The following SGCZ variants were observed in gnomAD, a reference collection of about 807,000 sequenced individuals.
SGCZ encodes the protein zeta-sarcoglycan.
A neutral mutation model predicts 41.3 loss-of-function variants in SGCZ; 40 were observed. The ratio of observed to expected loss-of-function variants is 0.97; its 90% CI spans 0.75 to 1.26. The LOEUF is 1.26. Ranked by LOEUF, SGCZ falls within the 50% of genes most tolerant of loss-of-function variation. The pLI, the probability that SGCZ is intolerant of heterozygous loss-of-function variation, is 0.00. For missense variants in SGCZ, 552 were observed against 369.8 expected, an observed-to-expected ratio of 1.49 and a Z score of -4.04; for synonymous variants, 206 against 137.5, an observed-to-expected ratio of 1.50 and a Z score of -3.49.
intron 1 of SGCZ, among the ~76,000 whole-genome samples, chr8:14,792,182 A>G (rs577085226): frequency 1.2e-4 from 18 of 152,330 alleles, no homozygotes; most frequent in Middle Eastern, 6.8e-3. Flanking sequence ...TTAGTGCTAC[A>G]TTACCCATGA....
At chr8:14,682,335 G>T (rs1352202173) in intron 1 of SGCZ, among the ~76,000 whole-genome samples, 1 of 152,120 alleles carries the variant, frequency 6.6e-6, no homozygotes, top group African/African-American at 2.4e-5. Flanking sequence ...CCACCAGATG[G>T]TGATAATAGG....
chr8:14,672,400 G>A (rs558759542), intron 1 of SGCZ, among the ~76,000 whole-genome samples: 2 of 152,084 alleles, frequency 1.3e-5, no homozygotes, highest in East Asian at 3.9e-4. Flanking sequence ...AACATGATTG[G>A]GCTTTTAAAC....
At chr8:14,786,140 A>G (rs1254525994) in intron 1 of SGCZ, among the ~76,000 whole-genome samples, 2 of 148,788 alleles carry the variant, frequency 1.3e-5, no homozygotes, top group Non-Finnish European at 3.0e-5. Context: ...ATTCCATAGT[A>G]TCTAAGCCTG....
At chr8:14,716,448 G>T (rs897000476) in intron 1 of SGCZ, among the ~76,000 whole-genome samples, 3 of 151,972 alleles carry the variant, frequency 2.0e-5, no homozygotes, top group Non-Finnish European at 2.9e-5. Context: ...TCCCAAAACT[G>T]AATGCACACT....
intron 1 of SGCZ, among the ~76,000 whole-genome samples, chr8:14,669,755 A>G (rs1460982564): frequency 1.3e-5 from 2 of 152,022 alleles, no homozygotes; most frequent in Non-Finnish European, 2.9e-5. Context: ...TTCATTCAAC[A>G]GACTTTTAGT....
intron 1 of SGCZ, among the ~76,000 whole-genome samples, chr8:14,706,804 A>G (rs1331056907): frequency 1.3e-5 from 2 of 152,110 alleles, no homozygotes; most frequent in African/African-American, 4.8e-5. Flanking sequence ...TTATACTTTT[A>G]CCAGCACATG....
At chr8:14,297,072 C>A (rs1443744566) in intron 3 of SGCZ, among the ~76,000 whole-genome samples, 1 of 151,974 alleles carries the variant, frequency 6.6e-6, no homozygotes, top group Non-Finnish European at 1.5e-5. Context: ...CAGACGCACA[C>A]CAGCATGCCC....
chr8:14,265,603 A>T (rs1799840197), intron 3 of SGCZ, among the ~76,000 whole-genome samples: 1 of 152,080 alleles, frequency 6.6e-6, no homozygotes, highest in South Asian at 2.1e-4. Context: ...ATTTGCTTTG[A>T]TCTCAAAGAA....
intron 4 of SGCZ, among the ~76,000 whole-genome samples, chr8:14,194,379 T>C (rs976699996): frequency 3.9e-4 from 60 of 151,944 alleles, no homozygotes; most frequent in African/African-American, 1.3e-3. Flanking sequence ...CTTCAGTTAA[T>C]ACTGTGATAT....
In SGCZ at chr8:14,842,488, G is replaced by A. The variant is rs140079757; in HGVS notation, c.40-287562C>T. 2.6e-3 allele frequency among the ~76,000 whole-genome samples: 366 copies of A among 138,372 alleles called. 1 individual carries two copies. The highest frequency in any genetic ancestry group is 9.7e-3 in the African/African-American group (345 of 35,616). 90.8% of individuals were successfully genotyped at this position (138,372 alleles called of 152,430 possible). On this transcript the variant is annotated intron_variant, in intron 1 of 7. Coordinates refer to ENST00000382080, the MANE Select transcript of SGCZ (RefSeq NM_139167.4). ...GAAAGAAGGAAGAAAGGAAGGAAAG[G>A]AAGGAAGAAAGGAAGGAAAGGAAGG...
chr8:14,156,909 C>A (rs1403812317), intron 5 of SGCZ, among the ~76,000 whole-genome samples: 1 of 152,076 alleles, frequency 6.6e-6, no homozygotes, highest in African/African-American at 2.4e-5. Context: ...GAAGGACCTG[C>A]CTGAGGATGT....
intron 2 of SGCZ, among the ~76,000 whole-genome samples, chr8:14,343,143 A>T (rs1005993607): frequency 2.6e-5 from 4 of 152,372 alleles, no homozygotes; most frequent in East Asian, 1.9e-4. Context: ...AAATTTCAGA[A>T]GATGTATGGA....
chr8:14,408,371 C>T (rs182098859), intron 2 of SGCZ, among the ~76,000 whole-genome samples: 12 of 152,226 alleles, frequency 7.9e-5, no homozygotes, highest in East Asian at 1.9e-4. Flanking sequence ...ACCATCTGGA[C>T]CCCTGGGAGT....
At chr8:14,655,133 G>C (rs750699491) in intron 1 of SGCZ, among the ~76,000 whole-genome samples, 1 of 152,034 alleles carries the variant, frequency 6.6e-6, no homozygotes, top group Non-Finnish European at 1.5e-5. Flanking sequence ...ATGAGCAAAT[G>C]AATACCTACT....
intron 1 of SGCZ, among the ~76,000 whole-genome samples, chr8:15,124,485 G>T (rs1202377795): frequency 1.3e-5 from 2 of 152,160 alleles, no homozygotes; most frequent in African/African-American, 4.8e-5. Context: ...TGCAAGGCCA[G>T]GGCAGCTATT....
intron 3 of SGCZ, among the ~76,000 whole-genome samples, chr8:14,280,506 C>A (rs1005452962): frequency 6.6e-6 from 1 of 151,686 alleles, no homozygotes; most frequent in African/African-American, 2.4e-5. Context: ...ATCTTATATC[C>A]ATATGAAATA....
Position 14,310,986 on chromosome 8 carries a change from G to C in SGCZ, c.336+13117C>G, listed in dbSNP as rs555148601. ...AACACACTTAAGGGTATGCTTTTCT[G>C]GGTTTGAGACTATTGCTTCACAGGA... is the stretch of plus-strand genomic sequence containing the variant. On this transcript the variant is annotated intron_variant, in intron 3 of 7. Coordinates refer to ENST00000382080, the MANE Select transcript of SGCZ (RefSeq NM_139167.4). Among the ~76,000 whole-genome samples the C allele has an allele frequency of 2.0e-5, 3 of 152,162 alleles. No homozygotes were observed. In the East Asian group the frequency reaches 5.8e-4, roughly 29 times the overall value.
At chr8:14,790,332 A>C (rs1348591322) in intron 1 of SGCZ, among the ~76,000 whole-genome samples, 1 of 152,230 alleles carries the variant, frequency 6.6e-6, no homozygotes, top group Non-Finnish European at 1.5e-5. Context: ...GTAACATATA[A>C]TTAAAAATAA....
chr8:14,236,667 T>C (rs1243795962), intron 4 of SGCZ, among the ~76,000 whole-genome samples: 1 of 151,542 alleles, frequency 6.6e-6, no homozygotes, highest in African/African-American at 2.4e-5. Flanking sequence ...TCTCTCTATA[T>C]ATATGTGTAT....
Sources: gnomAD v4.1 joint callset for allele counts (sites outside exome capture counted in the v4.1 genomes callset) on GRCh38, gnomAD v4.1.1 for gene constraint, MANE v1.5 for transcripts, NCBI Gene and HGNC (gene_info 2026-07-23, HGNC 2026-07-21) for gene names.